Variants in HMGCLL1 observed in about 807,000 individuals in gnomAD.
HMGCLL1 encodes the protein 3-hydroxy-3-methylglutaryl-CoA lyase like 1.
In HMGCLL1, 36 loss-of-function variants were observed where a neutral mutation model predicts 39.1. The ratio of observed to expected loss-of-function variants is 0.92; its 90% CI spans 0.71 to 1.22. HMGCLL1 has a LOEUF of 1.22. Ranked by LOEUF, HMGCLL1 falls within the 50% of genes most tolerant of loss-of-function variation. The pLI is 0.00. For missense variants in HMGCLL1, 451 were observed against 416.5 expected, an observed-to-expected ratio of 1.08 and a Z score of -0.72; for synonymous variants, 149 against 144.0, an observed-to-expected ratio of 1.03 and a Z score of -0.25.
chr6:55,576,913 G>C (rs912088023), intron 1 of HMGCLL1, among the ~76,000 whole-genome samples: 1 of 152,190 alleles, frequency 6.6e-6, no homozygotes, highest in African/African-American at 2.4e-5. Context: ...AAGCGATGAT[G>C]TCAAATGAGC....
intron 1 of HMGCLL1, among the ~76,000 whole-genome samples, chr6:55,578,484 T>C (rs1441820623): frequency 6.6e-6 from 1 of 152,222 alleles, no homozygotes; most frequent in Non-Finnish European, 1.5e-5. Flanking sequence ...AATGTTCTGA[T>C]GGATTATTTC....
chr6:55,616,679 A>G, the HMGCLL1 span, among the ~76,000 whole-genome samples: 3 of 152,268 alleles, frequency 2.0e-5, no homozygotes, highest in Middle Eastern at 3.4e-3. Flanking sequence ...ATTATTAACT[A>G]GAAAATTAAA....
At chr6:55,619,222 G>T in the HMGCLL1 span, among the ~76,000 whole-genome samples, 25 of 151,972 alleles carry the variant, frequency 1.6e-4, no homozygotes, top group Non-Finnish European at 3.2e-4. Flanking sequence ...TTTCATGTTT[G>T]GTCTGTGCAC....
chr6:55,640,926 C>A, the HMGCLL1 span, among the ~76,000 whole-genome samples: 1 of 151,742 alleles, frequency 6.6e-6, no homozygotes, highest in Non-Finnish European at 1.5e-5. Flanking sequence ...CCACTATATC[C>A]TTATATTTTG....
the HMGCLL1 span, among the ~76,000 whole-genome samples, chr6:55,653,928 G>T: frequency 6.6e-6 from 1 of 152,006 alleles, no homozygotes; most frequent in Non-Finnish European, 1.5e-5. Flanking sequence ...GTCTTGAGAA[G>T]TTTCATATCC....
At chr6:55,510,362 T>C (rs1485306969) in intron 5 of HMGCLL1, among the ~76,000 whole-genome samples, 1 of 151,772 alleles carries the variant, frequency 6.6e-6, no homozygotes, top group African/African-American at 2.4e-5. Flanking sequence ...TGCGGCACTA[T>C]TCACAATAGC....
At chr6:55,601,162 A>C in the HMGCLL1 span, among the ~76,000 whole-genome samples, 1 of 152,140 alleles carries the variant, frequency 6.6e-6, no homozygotes, top group African/African-American at 2.4e-5. Flanking sequence ...TAACAATGAA[A>C]ACTGTTTTTC....
intron 3 of HMGCLL1, among the ~76,000 whole-genome samples, chr6:55,541,004 A>G (rs1278908533): frequency 6.6e-6 from 1 of 152,158 alleles, no homozygotes; most frequent in Non-Finnish European, 1.5e-5. Flanking sequence ...ATGGAAACCA[A>G]GGAAATGATA....
Position 55,523,037 on chromosome 6 carries a change from G to C in HMGCLL1, c.298-6434C>G, listed in dbSNP as rs548201153. 2.0e-5 allele frequency among the ~76,000 whole-genome samples: 3 copies of C among 151,984 alleles called. No homozygotes were observed. In the East Asian group the frequency reaches 5.8e-4, roughly 29 times the overall value. On this transcript the variant is annotated intron_variant, in intron 3 of 8. Coordinates refer to ENST00000274901, the MANE Select transcript of HMGCLL1 (RefSeq NM_001042406.2). ...TTATATAACTTGACCACCTCTCTTA[G>C]AACTAGATCTTGTAACCTAAATATA...
chr6:55,510,291 G>T (rs1767379020), intron 5 of HMGCLL1, among the ~76,000 whole-genome samples: 1 of 151,756 alleles, frequency 6.6e-6, no homozygotes, highest in South Asian at 2.1e-4. Context: ...CTTTAACTGG[G>T]TATATACCCA....
chr6:55,625,533 G>A, the HMGCLL1 span, among the ~76,000 whole-genome samples: 1 of 152,124 alleles, frequency 6.6e-6, no homozygotes, highest in East Asian at 1.9e-4. Flanking sequence ...ACAATATTCA[G>A]GCACCACCCG....
chr6:55,493,939 G>T (rs932005069), intron 7 of HMGCLL1, among the ~76,000 whole-genome samples: 2 of 151,948 alleles, frequency 1.3e-5, no homozygotes, highest in East Asian at 3.9e-4. Context: ...GGTTCTCCGT[G>T]TTAGCCAGGA....
intron 7 of HMGCLL1, among the ~76,000 whole-genome samples, chr6:55,472,691 C>T (rs915416366): frequency 3.3e-5 from 5 of 151,344 alleles, no homozygotes; most frequent in African/African-American, 9.7e-5. Flanking sequence ...CCCAATTCCT[C>T]CTGTTATTAA....
At chr6:55,518,475 T>C (rs1385779571) in intron 3 of HMGCLL1, among the ~76,000 whole-genome samples, 1 of 152,122 alleles carries the variant, frequency 6.6e-6, no homozygotes, top group African/African-American at 2.4e-5. Context: ...AGGTAAACTT[T>C]ATTTACTCTT....
the HMGCLL1 span, among the ~76,000 whole-genome samples, chr6:55,644,170 T>C: frequency 3.3e-5 from 5 of 152,072 alleles, no homozygotes; most frequent in African/African-American, 9.7e-5. Flanking sequence ...TGTTGAGCAC[T>C]TTTTCATATG....
rs1376887668 is a variant in HMGCLL1, at chr6:55,543,512, TAA to T, written c.109-1374_109-1373del. Among the ~76,000 whole-genome samples the T allele has an allele frequency of 4.5e-5, 4 of 88,540 alleles. No homozygotes were observed. In the Admixed American group the frequency reaches 6.3e-4, roughly 14 times the overall value. 58.1% of individuals were successfully genotyped at this position (88,540 alleles called of 152,430 possible). On this transcript the variant is annotated intron_variant, in intron 1 of 8. Coordinates refer to ENST00000274901, the MANE Select transcript of HMGCLL1 (RefSeq NM_001042406.2). The stretch of plus-strand genomic sequence containing the variant: ...TGATATATATCATATATATCATATA[TAA>T]TATATATATTTTTATGTGTATATAT...
chr6:55,613,758 C>T, the HMGCLL1 span, among the ~76,000 whole-genome samples: 1 of 152,024 alleles, frequency 6.6e-6, no homozygotes, highest in Non-Finnish European at 1.5e-5. Flanking sequence ...AAGGTAACAA[C>T]ACACACCAGG....
chr6:55,480,541 C>T (rs1242122206), intron 7 of HMGCLL1, among the ~76,000 whole-genome samples: 4 of 151,600 alleles, frequency 2.6e-5, no homozygotes, highest in African/African-American at 7.3e-5. Context: ...ACAACCACTA[C>T]GGAGAGTGGT....
chr6:55,516,761 C>G (rs539037869), intron 3 of HMGCLL1, among the ~76,000 whole-genome samples, 158 bp from the exon 4 acceptor site: 180 of 152,120 alleles, frequency 1.2e-3, no homozygotes, highest in Non-Finnish European at 2.1e-3. Flanking sequence ...GAAAGTAGTT[C>G]TCAGTCTCAT....
Sources: gnomAD v4.1 joint callset for allele counts (sites outside exome capture counted in the v4.1 genomes callset) on GRCh38, gnomAD v4.1.1 for gene constraint, MANE v1.5 for transcripts, NCBI Gene and HGNC (gene_info 2026-07-23, HGNC 2026-07-21) for gene names.